The following ADAMTS16 variants were observed in gnomAD, a reference collection of about 807,000 sequenced individuals.
ADAMTS16 encodes A disintegrin and metalloproteinase with thrombospondin motifs 16.
In ADAMTS16, 94 loss-of-function variants were observed where a neutral mutation model predicts 145.8. The observed-to-expected ratio is 0.64, with a 90% CI of 0.55 to 0.77. The LOEUF (loss-of-function observed/expected upper bound fraction) is 0.77. Ranked by LOEUF, ADAMTS16 falls within the 30% of genes least tolerant of loss-of-function variation. The probability of loss-of-function intolerance (pLI) is 0.00; values close to 1 mark genes in which losing one functional copy is unlikely to be tolerated. For synonymous variants in ADAMTS16, 659 were observed against 604.3 expected (o/e 1.09, Z -1.33); for missense variants, 1,585 against 1,591.5 (o/e 1.00, Z 0.07).
rs747059047 is a variant in ADAMTS16, at chr5:5,318,271, A to G, written c.3549A>G (p.Ala1183=). The G allele has an allele frequency of 6.7e-7, 1 of 1,494,830 alleles. No homozygotes were observed. The highest frequency in any genetic ancestry group is 1.4e-5 in the African/African-American group (1 of 71,280). 92.6% of individuals were successfully genotyped at this position (1,494,830 alleles called of 1,614,324 possible). A position where few individuals can be genotyped will look rare whatever the true frequency, so the allele number is the denominator to read the frequency against. ...LACNTHFCPI[A]EKKDAFCKDY... ...GCAACACTCACTTCTGCCCCATTGC[A>G]GAGAAGAAAGGTGAGTACATGGGGC... Residue 1183 remains alanine (A), a synonymous_variant, in exon 22 of 23, where the codon GCA becomes GCG. Coordinates refer to ENST00000274181, the MANE Select transcript of ADAMTS16 (RefSeq NM_139056.4).
Position 5,255,095 on chromosome 5 carries a change from C to G in ADAMTS16, c.2663-7562C>G, listed in dbSNP as rs1737740356. 2.0e-5 allele frequency among the ~76,000 whole-genome samples: 3 copies of G among 151,960 alleles called. 1 individual carries two copies. The South Asian group carries it at 6.2e-4, about 32-fold the overall frequency. ...TAGTTTTTCTAATTAAGAAAACCAT[C>G]TTTTTAAATGTATTATTTAAAATTT... is the stretch of plus-strand genomic sequence containing the variant. On this transcript the variant is annotated intron_variant, in intron 17 of 22. Transcript: ENST00000274181.
At position 5,303,333 on chromosome 5, in the gene ADAMTS16, TGCAGTGCACACG is replaced by T; in HGVS notation, c.2858_2869del (p.Gln953_Arg956del). On this transcript the variant is annotated inframe_deletion, in exon 19 of 23. Transcript: ENST00000274181. ...GGCGGGGGTGCCCAGAGCCGCCCCG[TGCAGTGCACACG>T]GCGGGTGCACTATGACTCGGAGCCA... 6.2e-7 allele frequency: 1 copy of T among 1,606,904 alleles called. No homozygotes were observed.
At chr5:5,200,057 A>G in intron 8 of ADAMTS16, 75 bp from the exon 9 acceptor site, 1 of 1,485,892 alleles carries the variant, frequency 6.7e-7, no homozygotes, top group Non-Finnish European at 9.0e-7. Flanking sequence ...TTGACTTGTA[A>G]TTGTTAGAGG....
At chr5:5,277,286 A>AAT (rs1738739115) in intron 18 of ADAMTS16, among the ~76,000 whole-genome samples, 1 of 152,210 alleles carries the variant, frequency 6.6e-6, no homozygotes, top group Admixed American at 6.5e-5. Flanking sequence ...TCAGGGAGAT[A>AAT]ATATATACTA....
rs139164157 is a variant in ADAMTS16, at chr5:5,304,963, CCACACA to C, written c.3186+1210_3186+1215del. On this transcript the variant is annotated intron_variant, in intron 20 of 22. Transcript: ENST00000274181. ...TTAATACATGCACACACATCCCACA[CCACACA>C]CACACACACACATCCTACACCACAC... 9.3e-4 allele frequency among the ~76,000 whole-genome samples: 122 copies of C among 131,082 alleles called. 2 individuals are homozygous for C. The highest frequency in any genetic ancestry group is 3.6e-3 in the African/African-American group (112 of 31,524). The allele number at this position is 131,082 out of a possible 152,430, so 86.0% of individuals were successfully genotyped here.
At chr5:5,156,279 A>T (rs955621916) in intron 3 of ADAMTS16, among the ~76,000 whole-genome samples, 1 of 152,178 alleles carries the variant, frequency 6.6e-6, no homozygotes, top group East Asian at 1.9e-4. Flanking sequence ...ACTACCAGGG[A>T]TGTTTGACTT....
At chr5:5,212,331 C>T (rs991459754) in intron 10 of ADAMTS16, among the ~76,000 whole-genome samples, 5 of 151,874 alleles carry the variant, frequency 3.3e-5, no homozygotes, top group Non-Finnish European at 7.4e-5. Flanking sequence ...CCTCAGCCTC[C>T]GGAGTAGCTG....
intron 3 of ADAMTS16, among the ~76,000 whole-genome samples, chr5:5,168,236 CTTCA>C (rs1734935109): frequency 1.3e-5 from 2 of 151,624 alleles, no homozygotes; most frequent in Admixed American, 1.3e-4. Context: ...TAATATTTTC[CTTCA>C]TTCCATTTTT....
intron 9 of ADAMTS16, among the ~76,000 whole-genome samples, chr5:5,204,654 A>T (rs1313989437): frequency 6.6e-6 from 1 of 152,238 alleles, no homozygotes; most frequent in Non-Finnish European, 1.5e-5. Context: ...CTAAATATAT[A>T]AATATACTAA....
chr5:5,168,334 G>A (rs573477425), intron 3 of ADAMTS16, among the ~76,000 whole-genome samples: 9 of 141,102 alleles, frequency 6.4e-5, no homozygotes, highest in East Asian at 6.2e-4. Context: ...ACTCTTTTAC[G>A]TCTTTATTTA....
At chr5:5,316,715 C>T (rs968078753) in intron 21 of ADAMTS16, among the ~76,000 whole-genome samples, 2 of 152,146 alleles carry the variant, frequency 1.3e-5, no homozygotes, top group Admixed American at 6.5e-5. Context: ...AAAATAAGCC[C>T]CAGCAGCTGG....
chr5:5,252,093 C>T (rs971758823), intron 17 of ADAMTS16, among the ~76,000 whole-genome samples: 1 of 152,204 alleles, frequency 6.6e-6, no homozygotes, highest in Non-Finnish European at 1.5e-5. Context: ...TCGTGATCCG[C>T]CCGCCTCGGC....
chr5:5,272,125 G>C (rs1225256976), intron 18 of ADAMTS16, among the ~76,000 whole-genome samples: 2 of 152,108 alleles, frequency 1.3e-5, no homozygotes, highest in African/African-American at 4.8e-5. Context: ...GTTACCAAGG[G>C]AATGAAAAGA....
chr5:5,228,488 A>G (rs1019173590), intron 11 of ADAMTS16, among the ~76,000 whole-genome samples: 1 of 152,192 alleles, frequency 6.6e-6, no homozygotes, highest in Admixed American at 6.5e-5. Flanking sequence ...AGAACTAATG[A>G]AGTATTTTTT....
At chr5:5,250,286 G>T (rs1463070538) in intron 17 of ADAMTS16, among the ~76,000 whole-genome samples, 2 of 152,108 alleles carry the variant, frequency 1.3e-5, no homozygotes, top group Admixed American at 1.3e-4. Context: ...GTTTGAGAGA[G>T]GATTTAGGGA....
At chr5:5,292,627 G>A (rs2126492022) in intron 18 of ADAMTS16, among the ~76,000 whole-genome samples, 1 of 152,196 alleles carries the variant, frequency 6.6e-6, no homozygotes, top group African/African-American at 2.4e-5. Context: ...TTTGCTTGGT[G>A]CCCAAATGCC....
At chr5:5,215,582 A>G (rs1372390164) in intron 10 of ADAMTS16, among the ~76,000 whole-genome samples, 4 of 151,606 alleles carry the variant, frequency 2.6e-5, no homozygotes, top group Non-Finnish European at 5.9e-5. Flanking sequence ...GAGAACATAC[A>G]ATATTTGATT....
chr5:5,239,580 T>C (rs1737218631), intron 15 of ADAMTS16, 101 bp from the exon 16 acceptor site: 3 of 1,504,846 alleles, frequency 2.0e-6, no homozygotes, highest in Non-Finnish European at 1.8e-6. Context: ...GTTCCAAATG[T>C]GGATTCTCAG....
At chr5:5,191,937 C>A in intron 8 of ADAMTS16, 147 bp downstream of exon 8, 1 of 610,922 alleles carries the variant, frequency 1.6e-6, no homozygotes, top group South Asian at 2.0e-5. Context: ...AAAATGCTGT[C>A]ACTTAGGACT....
Sources: gnomAD v4.1 joint callset for allele counts (sites outside exome capture counted in the v4.1 genomes callset) on GRCh38, gnomAD v4.1.1 for gene constraint, MANE v1.5 for transcripts, NCBI Gene and HGNC (gene_info 2026-07-23, HGNC 2026-07-21) for gene names.